RXFP2: variants seen among roughly 807,000 people sequenced by gnomAD.
RXFP2 encodes relaxin receptor 2.
A neutral mutation model predicts 88.6 loss-of-function variants in RXFP2; 68 were observed. That is an observed-to-expected ratio of 0.77 (90% CI 0.63 to 0.94). The LOEUF (loss-of-function observed/expected upper bound fraction) is 0.94, where lower values mean the gene tolerates loss of function less well. RXFP2 is among the 40% of genes least tolerant of loss of function. RXFP2 has a pLI of 0.00. For synonymous variants in RXFP2, 329 were observed against 306.8 expected (o/e 1.07, Z -0.76); for missense variants, 791 against 893.9 (o/e 0.88, Z 1.47).
intron 17 of RXFP2, 128 bp downstream of exon 17, chr13:31,797,547 T>C (rs1329986457): frequency 1.4e-6 from 1 of 734,458 alleles, no homozygotes; most frequent in African/African-American, 1.8e-5. Flanking sequence ...TTTCCCTCCA[T>C]GTTTTATAAT....
chr13:31,792,963 T>C lies in RXFP2; in HGVS notation c.1661T>C (p.Val554Ala), dbSNP rs1346154468. ...CIWMAGFLIA[V>A]IPFWNKDYFG... ...TGGATGGCGGGATTTTTAATAGCTGTAATTCCATTTTGGAATAAGGATTAT... is the reference window on the plus strand; with the variant it reads ...TGGATGGCGGGATTTTTAATAGCTGCAATTCCATTTTGGAATAAGGATTAT... The change falls in exon 16 of 18, where the codon GTA becomes GCA. Residue 554 changes from valine (V) to alanine (A), a missense_variant. Transcript: ENST00000298386. The C allele has an allele frequency of 1.2e-6, 2 of 1,614,222 alleles. No homozygotes were observed. The highest frequency in any genetic ancestry group is 1.1e-5 in the South Asian group (1 of 91,086).
At chr13:31,796,862 A>G (rs1157084438) in intron 16 of RXFP2, among the ~76,000 whole-genome samples, 2 of 152,250 alleles carry the variant, frequency 1.3e-5, no homozygotes, top group African/African-American at 2.4e-5. Context: ...GAGCATCAAC[A>G]TGATGCCACA....
chr13:31,789,222 A>C (rs1423648096), intron 14 of RXFP2, 29 bp downstream of exon 14: 2 of 1,404,914 alleles, frequency 1.4e-6, no homozygotes, highest in Middle Eastern at 1.8e-4. Flanking sequence ...TGGAGGAGGA[A>C]GCATGGTAAA....
At chr13:31,791,734 C>T (rs2138456839) in intron 14 of RXFP2, 72 bp from the exon 15 acceptor site, 5 of 1,017,690 alleles carry the variant, frequency 4.9e-6, no homozygotes, top group Non-Finnish European at 7.9e-6. Flanking sequence ...GGAGTTGCAG[C>T]CCCGATAGGA....
chr13:31,759,578 A>G (rs1157043158), intron 2 of RXFP2, among the ~76,000 whole-genome samples: 1 of 152,044 alleles, frequency 6.6e-6, no homozygotes. Context: ...GGGTATACAC[A>G]TGGAATGAAG....
chr13:31,800,101 AC>A (rs1053700969), intron 17 of RXFP2, among the ~76,000 whole-genome samples: 2 of 152,216 alleles, frequency 1.3e-5, no homozygotes, highest in African/African-American at 4.8e-5. Context: ...TGTCATGATC[AC>A]AGTTGACAAA....
At chr13:31,760,139 A>T (rs1023227219) in intron 2 of RXFP2, among the ~76,000 whole-genome samples, 3 of 152,016 alleles carry the variant, frequency 2.0e-5, no homozygotes, top group Non-Finnish European at 4.4e-5. Context: ...CCCAGGATGG[A>T]GTTCAATGGC....
intron 14 of RXFP2, among the ~76,000 whole-genome samples, chr13:31,789,936 GT>G (rs1419577709): frequency 1.3e-5 from 2 of 152,134 alleles, no homozygotes; most frequent in African/African-American, 4.8e-5. Flanking sequence ...TTTCCACATG[GT>G]TTTGTTCATT....
chr13:31,750,630 T>C (rs907871887), intron 1 of RXFP2, among the ~76,000 whole-genome samples: 1 of 152,128 alleles, frequency 6.6e-6, no homozygotes, highest in African/African-American at 2.4e-5. Context: ...GAAAAGGAAT[T>C]TTTAGAAAAT....
chr13:31,753,082 C>G lies in RXFP2; in HGVS notation c.95-5176C>G, dbSNP rs559514812. Among the ~76,000 whole-genome samples the G allele has an allele frequency of 3.9e-3, 597 of 152,284 alleles. 4 individuals are homozygous for G. Among genetic ancestry groups the G allele is most frequent in the African/African-American group, 0.014 (575 of 41,564 alleles). On this transcript the variant is annotated intron_variant, in intron 1 of 17. Coordinates refer to ENST00000298386, the MANE Select transcript of RXFP2 (RefSeq NM_130806.5). ...ATGCACTCCTCCTTGGCCTATACCC[C>G]CCTGGAGCCATCGCCCCTGGTGTTA... is the stretch of plus-strand genomic sequence containing the variant.
intron 1 of RXFP2, among the ~76,000 whole-genome samples, chr13:31,745,898 G>A (rs1257724603): frequency 2.6e-5 from 4 of 152,150 alleles, no homozygotes; most frequent in Non-Finnish European, 5.9e-5. Flanking sequence ...ATCTGGAGTC[G>A]TGAAGTAAAG....
intron 1 of RXFP2, among the ~76,000 whole-genome samples, chr13:31,753,130 G>A (rs1871749420): frequency 6.6e-6 from 1 of 152,162 alleles, no homozygotes; most frequent in African/African-American, 2.4e-5. Context: ...CTGGCTGAGA[G>A]GATACAGGCT....
chr13:31,786,717 T>A (rs1378408174), intron 13 of RXFP2, 80 bp downstream of exon 13: 6 of 879,690 alleles, frequency 6.8e-6, no homozygotes, highest in Non-Finnish European at 1.1e-5. Context: ...AATGGGTATT[T>A]TGCACACAGG....
At chr13:31,758,199 A>C in intron 1 of RXFP2, 59 bp from the exon 2 acceptor site, 1 of 1,587,582 alleles carries the variant, frequency 6.3e-7, no homozygotes, top group Non-Finnish European at 8.6e-7. Context: ...ATTAAATGGG[A>C]CAACACGGAG....
rs563365611 is a variant in RXFP2 at position 31,791,059 on chromosome 13, A to G, written c.1146-747A>G. Among the ~76,000 whole-genome samples the G allele has an allele frequency of 1.8e-3, 268 of 152,386 alleles. 1 individual carries two copies. Among genetic ancestry groups the G allele is most frequent in the African/African-American group, 6.2e-3 (257 of 41,596 alleles). ...GCAAAGAGCAGAAAAGTGAACTGAAAGAAGTAGCAAACGAATAAAAATAGA... is the reference window on the plus strand; with the variant it reads ...GCAAAGAGCAGAAAAGTGAACTGAAGGAAGTAGCAAACGAATAAAAATAGA... On this transcript the variant is annotated intron_variant, in intron 14 of 17. Transcript: ENST00000298386.
Position 31,791,930 on chromosome 13 carries a change from G to T in RXFP2, c.1270G>T (p.Val424Phe). The T allele has an allele frequency of 6.2e-7, 1 of 1,614,086 alleles. No individual in the cohort carries two copies. Residue 424 changes from valine (V) to phenylalanine (F), a missense_variant, in exon 15 of 18, where the codon GTT becomes TTT. By Grantham distance (50) the Val-to-Phe change is conservative. Transcript: ENST00000298386. ...CAATATCCTCAGAATATTTGTCTGG[G>T]TTATAGCTTTCATTACCTGCTTTGG... ...ANNILRIFVW[V>F]IAFITCFGNL...
At chr13:31,742,638 C>A (rs183141301) in intron 1 of RXFP2, among the ~76,000 whole-genome samples, 2 of 152,226 alleles carry the variant, frequency 1.3e-5, no homozygotes, top group Admixed American at 1.3e-4. Flanking sequence ...ATAAATATGA[C>A]CAGATGTAAT....
At chr13:31,742,020 A>C (rs1028001830) in intron 1 of RXFP2, among the ~76,000 whole-genome samples, 3 of 152,222 alleles carry the variant, frequency 2.0e-5, no homozygotes, top group Non-Finnish European at 4.4e-5. Flanking sequence ...CCACAGGCAG[A>C]TCTAAAAACA....
chr13:31,782,341 C>T (rs1013596854), intron 10 of RXFP2, among the ~76,000 whole-genome samples: 1 of 151,964 alleles, frequency 6.6e-6, no homozygotes, highest in Non-Finnish European at 1.5e-5. Flanking sequence ...TTAGTAAGCA[C>T]TTAGTGATGT....
Sources: allele counts gnomAD v4.1 joint callset (sites outside exome capture counted in the v4.1 genomes callset), GRCh38; gene constraint gnomAD v4.1.1; transcripts MANE v1.5; gene names NCBI Gene and HGNC (gene_info 2026-07-23, HGNC 2026-07-21).